Variants in EEF1AKMT3 observed in about 807,000 individuals in gnomAD.
EEF1AKMT3 encodes the protein EEF1A lysine methyltransferase 3.
A neutral mutation model predicts 17.8 loss-of-function variants in EEF1AKMT3; 17 were observed. The observed-to-expected ratio is 0.96, with a 90% CI of 0.65 to 1.43. The LOEUF (loss-of-function observed/expected upper bound fraction) is 1.43. Ranked by LOEUF, EEF1AKMT3 falls within the 40% of genes most tolerant of loss-of-function variation. EEF1AKMT3 has a pLI of 0.00. For synonymous variants in EEF1AKMT3, 116 were observed against 126.5 expected, an observed-to-expected ratio of 0.92 and a Z score of 0.56; for missense variants, 244 against 285.8, an observed-to-expected ratio of 0.85 and a Z score of 1.06.
At chr12:57,779,559 T>C (rs1955499500) in intron 2 of EEF1AKMT3, among the ~76,000 whole-genome samples, 2 of 152,166 alleles carry the variant, frequency 1.3e-5, no homozygotes, top group Non-Finnish European at 2.9e-5. Context: ...AAGAAAGCTG[T>C]GTTTTTGTCT....
Position 57,781,099 on chromosome 12 carries a change from T to A in EEF1AKMT3, c.*453T>A, listed in dbSNP as rs1210076934. 5.0e-6 allele frequency: 1 copy of A among 198,400 alleles called. No individual in the cohort carries two copies. The highest frequency in any genetic ancestry group is 2.4e-5 in the African/African-American group (1 of 41,644). 12.3% of individuals were successfully genotyped at this position (198,400 alleles called of 1,614,324 possible). On this transcript the variant is annotated 3_prime_UTR_variant, in exon 3 of 3. Coordinates refer to ENST00000300209, the MANE Select transcript of EEF1AKMT3 (RefSeq NM_015433.3). ...TTTGAGACAGGGTCTCACTCTGTCA[T>A]CCAGGCTGGAGTGCAGTGGTGTGAT... is the stretch of plus-strand genomic sequence containing the variant.
chr12:57,780,190 G>A (rs1955503415), intron 2 of EEF1AKMT3, 65 bp from the exon 3 acceptor site: 1 of 1,584,244 alleles, frequency 6.3e-7, no homozygotes, highest in East Asian at 2.2e-5. Flanking sequence ...GGACCTTCCA[G>A]GCAGGAGCCA....
rs1404533911 is a variant in EEF1AKMT3 at position 57,782,051 on chromosome 12, CTCTAAAACCACACTAAAGTTT to C, written c.*1409_*1429del. ...AATTACAAAAGATGTACTCTTTGTT[CTCTAAAACCACACTAAAGTTT>C]TCTGACTTCTTTCACACTCTTTATG... On this transcript the variant is annotated 3_prime_UTR_variant, in exon 3 of 3. Transcript: ENST00000300209. The C allele has an allele frequency of 3.3e-5, 5 of 152,154 alleles. No homozygotes were observed. The highest frequency in any genetic ancestry group is 7.4e-5 in the Non-Finnish European group (5 of 68,022). The allele number at this position is 152,154 out of a possible 1,614,324, so 9.4% of individuals were successfully genotyped here.
intron 2 of EEF1AKMT3, among the ~76,000 whole-genome samples, chr12:57,778,751 T>C (rs559826977): frequency 1.3e-5 from 2 of 152,218 alleles, no homozygotes; most frequent in African/African-American, 2.4e-5. Context: ...ATCTCTCACC[T>C]GAGTCATTGC....
At position 57,773,047 on chromosome 12, in the gene EEF1AKMT3, C is replaced by A; in HGVS notation, c.208C>A (p.Gln70Lys). The A allele has an allele frequency of 1.2e-6, 2 of 1,614,086 alleles. No homozygotes were observed. Among genetic ancestry groups the A allele is most frequent in the South Asian group, 1.1e-5 (1 of 91,044 alleles). Residue 70 changes from glutamine (Q) to lysine (K), a missense_variant, in exon 2 of 3, where the codon CAA becomes AAA. By Grantham distance (53) the Gln-to-Lys change is moderately conservative (BLOSUM62 1). Coordinates refer to ENST00000300209, the MANE Select transcript of EEF1AKMT3 (RefSeq NM_015433.3). ...GAGCCTGTGCAATTATTTCGAGAGT[C>A]AAAATGTGGATTTCCGAGGCAAGAA... ...ALSLCNYFES[Q>K]NVDFRGKKVI... is the part of the protein sequence containing the mutation.
chr12:57,774,434 C>A (rs950424472), intron 2 of EEF1AKMT3, among the ~76,000 whole-genome samples: 6 of 152,022 alleles, frequency 3.9e-5, no homozygotes, highest in African/African-American at 1.4e-4. Flanking sequence ...GAACTGAGAT[C>A]GCACCATTGC....
chr12:57,775,451 G>A (rs1325791993), intron 2 of EEF1AKMT3, among the ~76,000 whole-genome samples: 1 of 149,978 alleles, frequency 6.7e-6, no homozygotes, highest in Non-Finnish European at 1.5e-5. Flanking sequence ...GCATGATCTC[G>A]GCTCACCGCA....
At chr12:57,773,266 ATTTGTT>A (rs1214212287) in intron 2 of EEF1AKMT3, 138 bp downstream of exon 2, 3 of 833,084 alleles carry the variant, frequency 3.6e-6, no homozygotes, top group East Asian at 2.7e-5. Flanking sequence ...TTTTTTTAAA[ATTTGTT>A]TTTGTTTTTA....
chr12:57,772,686 C>A lies in EEF1AKMT3; in HGVS notation c.-39C>A, dbSNP rs755802416. On this transcript the variant is annotated 5_prime_UTR_variant, in exon 1 of 3. Transcript: ENST00000300209. The surrounding 1 kb of genome is among the most constrained non-coding windows in gnomAD (Gnocchi z 4.1). Reference sequence around the variant, plus strand: ...CCCCGCTCCGGATCCGGGATCTGAGCGCCGGCCGCGGTGCCCAGGCACTCC... The same window carrying A: ...CCCCGCTCCGGATCCGGGATCTGAGAGCCGGCCGCGGTGCCCAGGCACTCC... 3.2e-6 allele frequency: 5 copies of A among 1,578,082 alleles called. No individual in the cohort carries two copies. Among genetic ancestry groups the A allele is most frequent in the South Asian group, 1.2e-5 (1 of 85,614 alleles).
In EEF1AKMT3 at chr12:57,781,861, C is replaced by G. The variant is rs771805252; in HGVS notation, c.*1215C>G. On this transcript the variant is annotated 3_prime_UTR_variant, in exon 3 of 3. Transcript: ENST00000300209. ...CCATGCTTTCTCCTTCAGTCCATTC[C>G]GCAAACTCTTGTGATCTTCCAAAAT... 6.6e-6 allele frequency: 1 copy of G among 152,148 alleles called. No homozygotes were observed. The highest frequency in any genetic ancestry group is 1.5e-5 in the Non-Finnish European group (1 of 68,072). 9.4% of individuals were successfully genotyped at this position (152,148 alleles called of 1,614,324 possible).
chr12:57,772,985 G>A lies in EEF1AKMT3; in HGVS notation c.178-32G>A. ...CTCTCCCATATGGAGCCATCCTCAC[G>A]ACTGTCTTTTTCTCTGTCTTTTCTC... On this transcript the variant is annotated intron_variant, in intron 1 of 2. Coordinates refer to ENST00000300209, the MANE Select transcript of EEF1AKMT3 (RefSeq NM_015433.3). The surrounding 1 kb of genome is among the most constrained non-coding windows in gnomAD (Gnocchi z 4.1). The A allele has an allele frequency of 1.2e-6, 2 of 1,613,984 alleles. No individual in the cohort carries two copies. Among genetic ancestry groups the A allele is most frequent in the South Asian group, 1.1e-5 (1 of 90,996 alleles).
intron 2 of EEF1AKMT3, among the ~76,000 whole-genome samples, chr12:57,777,452 G>C (rs1955487200): frequency 6.6e-6 from 1 of 152,146 alleles, no homozygotes; most frequent in Non-Finnish European, 1.5e-5. Context: ...ACTCCAGGTT[G>C]TTAAACGCAG....
rs1319154588 is a variant in EEF1AKMT3 at position 57,781,001 on chromosome 12, A to C, written c.*355A>C. 3.4e-6 allele frequency: 1 copy of C among 296,084 alleles called. No homozygotes were observed. Among genetic ancestry groups the C allele is most frequent in the Non-Finnish European group, 6.3e-6 (1 of 158,040 alleles). The allele number at this position is 296,084 out of a possible 1,614,324, so 18.3% of individuals were successfully genotyped here. A position where few individuals can be genotyped will look rare whatever the true frequency, so the allele number is the denominator to read the frequency against. ...AGACAGACTGTCACTGATCACTTCCATTCCTGTTGCTGTTTACACAGAATG... is the reference window on the plus strand; with the variant it reads ...AGACAGACTGTCACTGATCACTTCCCTTCCTGTTGCTGTTTACACAGAATG... On this transcript the variant is annotated 3_prime_UTR_variant, in exon 3 of 3. Transcript: ENST00000300209.
At position 57,781,948 on chromosome 12, in the gene EEF1AKMT3, G is replaced by A. The variant is rs531803480; in HGVS notation, c.*1302G>A. On this transcript the variant is annotated 3_prime_UTR_variant, in exon 3 of 3. Coordinates refer to ENST00000300209, the MANE Select transcript of EEF1AKMT3 (RefSeq NM_015433.3). ...AACAAGCTCCTCTGCTTGGTACTTA[G>A]TCTGTGTCCATGTGATCCAAAATTA... is the stretch of plus-strand genomic sequence containing the variant. 12 of 152,262 alleles carry A rather than the reference G, an allele frequency of 7.9e-5. No individual in the cohort carries two copies. The highest frequency in any genetic ancestry group is 1.6e-4 in the Non-Finnish European group (11 of 68,032). 9.4% of individuals were successfully genotyped at this position (152,262 alleles called of 1,614,324 possible).
Position 57,772,891 on chromosome 12 carries a change from T to G in EEF1AKMT3, c.167T>G (p.Val56Gly). 1 of 1,613,952 alleles carries G rather than the reference T, an allele frequency of 6.2e-7. No individual in the cohort carries two copies. The highest frequency in any genetic ancestry group is 8.5e-7 in the Non-Finnish European group (1 of 1,179,906). Reference sequence around the variant, plus strand: ...TCCCGCCTCGGGGTGGCGGCGCGCGTGTGGGACGCGGTGAGGAATGGGCTG... The same window carrying G: ...TCCCGCCTCGGGGTGGCGGCGCGCGGGTGGGACGCGGTGAGGAATGGGCTG... Reference protein sequence around the residue: ...FGSRLGVAARVWDAALSLCNY... With the variant: ...FGSRLGVAARGWDAALSLCNY... The change falls in exon 1 of 3, where the codon GTG becomes GGG. Residue 56 changes from valine (V) to glycine (G), a missense_variant. Coordinates refer to ENST00000300209, the MANE Select transcript of EEF1AKMT3 (RefSeq NM_015433.3). The surrounding 1 kb of genome is among the most constrained non-coding windows in gnomAD (Gnocchi z 4.1).
intron 2 of EEF1AKMT3, 119 bp downstream of exon 2, chr12:57,773,247 T>C: frequency 2.2e-6 from 2 of 922,420 alleles, no homozygotes; most frequent in Non-Finnish European, 3.3e-6. Flanking sequence ...CCCTTCTTTT[T>C]AACAAATTTT....
At chr12:57,774,041 A>G (rs1414008005) in intron 2 of EEF1AKMT3, among the ~76,000 whole-genome samples, 2 of 152,224 alleles carry the variant, frequency 1.3e-5, no homozygotes, top group African/African-American at 2.4e-5. Context: ...AGCAAAAACT[A>G]CAGAGGAAAC....
At position 57,772,638 on chromosome 12, in the gene EEF1AKMT3, C is replaced by A; in HGVS notation, c.-87C>A. 1.4e-6 allele frequency: 2 copies of A among 1,408,944 alleles called. No homozygotes were observed. The highest frequency in any genetic ancestry group is 1.9e-6 in the Non-Finnish European group (2 of 1,053,462). 87.3% of individuals were successfully genotyped at this position (1,408,944 alleles called of 1,614,324 possible). A position where few individuals can be genotyped will look rare whatever the true frequency, so the allele number is the denominator to read the frequency against. ...GGCTCGTTCCACAGGGACACCACGACGGCTCGCGGCCCCCAGCCTCTACCC... is the reference window on the plus strand; with the variant it reads ...GGCTCGTTCCACAGGGACACCACGAAGGCTCGCGGCCCCCAGCCTCTACCC... On this transcript the variant is annotated 5_prime_UTR_variant, in exon 1 of 3. Coordinates refer to ENST00000300209, the MANE Select transcript of EEF1AKMT3 (RefSeq NM_015433.3). This position sits in a 1 kb window ranked among gnomAD's most constrained non-coding sequence, Gnocchi z 4.1.
In EEF1AKMT3 at chr12:57,772,669, C is replaced by A; in HGVS notation, c.-56C>A. 6.5e-7 allele frequency: 1 copy of A among 1,541,454 alleles called. No individual in the cohort carries two copies. The highest frequency in any genetic ancestry group is 8.7e-7 in the Non-Finnish European group (1 of 1,144,002). ...GCGGCCCCCAGCCTCTACCCCGCTCCGGATCCGGGATCTGAGCGCCGGCCG... is the reference window on the plus strand; with the variant it reads ...GCGGCCCCCAGCCTCTACCCCGCTCAGGATCCGGGATCTGAGCGCCGGCCG... On this transcript the variant is annotated 5_prime_UTR_variant, in exon 1 of 3. Transcript: ENST00000300209. This position sits in a 1 kb window ranked among gnomAD's most constrained non-coding sequence, Gnocchi z 4.1.
Sources: allele counts gnomAD v4.1 joint callset (sites outside exome capture counted in the v4.1 genomes callset), GRCh38; gene constraint gnomAD v4.1.1; non-coding constraint Gnocchi (gnomAD v3.1); transcripts MANE v1.5; gene names NCBI Gene and HGNC (gene_info 2026-07-23, HGNC 2026-07-21).